LNX1: variants seen among roughly 807,000 people sequenced by gnomAD.
LNX1 encodes the protein E3 ubiquitin-protein ligase LNX.
Under a neutral mutation model 68.4 loss-of-function variants are expected in LNX1, and 54 were observed. The observed-to-expected ratio is 0.79, with a 90% CI of 0.63 to 0.99. The LOEUF (loss-of-function observed/expected upper bound fraction) is 0.99. Among genes scored for constraint, LNX1 ranks in the 50% least tolerant of loss-of-function variants. LNX1 has a pLI of 0.00. For missense variants in LNX1, 906 were observed against 926.4 expected, an observed-to-expected ratio of 0.98 and a Z score of 0.29; for synonymous variants, 336 against 350.0, an observed-to-expected ratio of 0.96 and a Z score of 0.45.
intron 1 of LNX1, among the ~76,000 whole-genome samples, chr4:53,623,407 T>A (rs2109862595): frequency 1.3e-5 from 2 of 152,070 alleles, no homozygotes; most frequent in South Asian, 4.2e-4. Flanking sequence ...AATTTTTTTG[T>A]ATTTTTTGGT....
At position 53,572,087 on chromosome 4, in the gene LNX1, C is replaced by T. The variant is rs1029839040; in HGVS notation, c.380+1536G>A. ...TGGTGAGGGTAGAGGAGCTCTTTCT[C>T]CTCCTCATGCCCCTCATCCCCTTGC... On this transcript the variant is annotated intron_variant, in intron 2 of 10. Transcript: ENST00000263925. Among the ~76,000 whole-genome samples the T allele has an allele frequency of 3.9e-5, 6 of 152,244 alleles. No homozygotes were observed. In the East Asian group the frequency reaches 7.7e-4, roughly 20 times the overall value.
In LNX1 at chr4:53,493,326, G is replaced by A. The variant is rs899243308; in HGVS notation, c.1350+2697C>T. On this transcript the variant is annotated intron_variant, in intron 6 of 10. Coordinates refer to ENST00000263925, the MANE Select transcript of LNX1 (RefSeq NM_001126328.3). Reference sequence around the variant, plus strand: ...CACCTGCTCTACTTGGCATGAGCTCGGGCCCTCTAGGGCAGATGAGCATCC... The same window carrying A: ...CACCTGCTCTACTTGGCATGAGCTCAGGCCCTCTAGGGCAGATGAGCATCC... Among the ~76,000 whole-genome samples, 144 of 152,120 alleles carry A rather than the reference G, an allele frequency of 9.5e-4. 1 individual carries two copies. The highest frequency in any genetic ancestry group is 3.3e-3 in the African/African-American group (136 of 41,412).
chr4:53,604,647 G>A (rs529766070), intron 2 of LNX1, among the ~76,000 whole-genome samples: 3 of 152,310 alleles, frequency 2.0e-5, no homozygotes, highest in Non-Finnish European at 2.9e-5. Flanking sequence ...GGCTCAATTC[G>A]TTTGTTTCTT....
chr4:53,464,590 A>G (rs1340854432), intron 9 of LNX1, among the ~76,000 whole-genome samples: 1 of 124,128 alleles, frequency 8.1e-6, no homozygotes, highest in Non-Finnish European at 1.8e-5. Context: ...GAGTCCCCAT[A>G]TTAAATGTCT....
intron 9 of LNX1, among the ~76,000 whole-genome samples, chr4:53,474,127 T>A (rs1428965146): frequency 6.6e-6 from 1 of 152,256 alleles, no homozygotes; most frequent in African/African-American, 2.4e-5. Context: ...GCTGTTTAGA[T>A]GTACCATAAC....
chr4:53,515,331 G>C (rs1435376368), intron 2 of LNX1, among the ~76,000 whole-genome samples: 2 of 152,216 alleles, frequency 1.3e-5, no homozygotes, highest in Non-Finnish European at 2.9e-5. Context: ...CTGAGCAACT[G>C]TCACCCTTTT....
rs1268259985 is a variant in LNX1 at position 53,599,107 on chromosome 4, G to T, written c.-214-7592C>A. Reference sequence around the variant, plus strand: ...AGTTTGCAGAGCTAACATTTGAGTGGCATGTGAACCAGGGCAATTCATCTT... The same window carrying T: ...AGTTTGCAGAGCTAACATTTGAGTGTCATGTGAACCAGGGCAATTCATCTT... On this transcript the variant is annotated intron_variant, in intron 2 of 3. Coordinates refer to the LNX1 transcript ENST00000504299. 2.0e-5 allele frequency among the ~76,000 whole-genome samples: 3 copies of T among 152,288 alleles called. No homozygotes were observed. The East Asian group carries it at 5.8e-4, about 29-fold the overall frequency.
At chr4:53,546,053 C>G (rs1729097074) in intron 2 of LNX1, among the ~76,000 whole-genome samples, 1 of 151,930 alleles carries the variant, frequency 6.6e-6, no homozygotes, top group Non-Finnish European at 1.5e-5. Context: ...GTGATCCACC[C>G]ACCTCAGCCT....
At chr4:53,527,071 A>AG (rs1553935023) in intron 2 of LNX1, among the ~76,000 whole-genome samples, 6 of 151,070 alleles carry the variant, frequency 4.0e-5, no homozygotes, top group Non-Finnish European at 4.4e-5. Flanking sequence ...AAAAAAAAAA[A>AG]ACTAGAAGAA....
intron 2 of LNX1, among the ~76,000 whole-genome samples, chr4:53,514,199 A>G (rs1331943699): frequency 2.0e-5 from 3 of 152,214 alleles, no homozygotes; most frequent in Non-Finnish European, 4.4e-5. Context: ...GCAGGGATTA[A>G]GGTTCTGCTT....
chr4:53,518,094 A>G lies in LNX1; in HGVS notation c.381-9867T>C, dbSNP rs1412037385. On this transcript the variant is annotated intron_variant, in intron 2 of 10. Coordinates refer to ENST00000263925, the MANE Select transcript of LNX1 (RefSeq NM_001126328.3). ...ACAGGAAAAATTCAAAACAAGCTGG[A>G]AAGTCATGTGAAAATGCAGGCCACC... is the stretch of plus-strand genomic sequence containing the variant. 5.3e-5 allele frequency among the ~76,000 whole-genome samples: 8 copies of G among 152,192 alleles called. 1 individual carries two copies. In the South Asian group the frequency reaches 1.7e-3, roughly 32 times the overall value.
chr4:53,498,730 G>C lies in LNX1; in HGVS notation c.889C>G (p.Pro297Ala), dbSNP rs772373954. The C allele has an allele frequency of 1.9e-6, 3 of 1,614,014 alleles. No homozygotes were observed. Among genetic ancestry groups the C allele is most frequent in the East Asian group, 4.5e-5 (2 of 44,878 alleles). ...TGTTGGATAATGATATGGACCAGTG[G>C]GGTTTCGCTACCTCCCACCAGCCTA... ...SIRLVGGSET[P>A]LVHIIIQHIY... The change falls in exon 5 of 11, where the codon CCA (proline) becomes GCA (alanine). Residue 297 changes from proline (P) to alanine (A), a missense_variant. Pro to Ala is a conservative substitution (Grantham distance 27). Coordinates refer to ENST00000263925, the MANE Select transcript of LNX1 (RefSeq NM_001126328.3).
upstream of LNX1, among the ~76,000 whole-genome samples, chr4:53,594,565 C>T (rs58686690): frequency 9.4e-3 from 1,432 of 152,264 alleles, 14 homozygotes; most frequent in African/African-American, 0.033. Flanking sequence ...ACCATTCTCA[C>T]TGTCATTGCT....
intron 8 of LNX1, among the ~76,000 whole-genome samples, chr4:53,477,710 A>T (rs1236615995): frequency 6.6e-6 from 1 of 152,104 alleles, no homozygotes; most frequent in Non-Finnish European, 1.5e-5. Context: ...TTTTATCTTC[A>T]TCCTGTTTTT....
chr4:53,646,554 T>G (rs73250977), intron 1 of LNX1, among the ~76,000 whole-genome samples: 7,479 of 152,352 alleles, frequency 0.049, 219 homozygotes, highest in Middle Eastern at 0.082. Flanking sequence ...CTACATTTTT[T>G]GCTGAGTGAA....
chr4:53,496,975 G>A (rs946836297), intron 5 of LNX1, among the ~76,000 whole-genome samples: 18 of 152,122 alleles, frequency 1.2e-4, no homozygotes, highest in African/African-American at 3.6e-4. Flanking sequence ...GTGTGTGTGC[G>A]GATGGGAATG....
upstream of LNX1, among the ~76,000 whole-genome samples, chr4:53,618,638 T>C (rs558556152): frequency 3.9e-4 from 59 of 152,286 alleles, no homozygotes; most frequent in African/African-American, 1.4e-3. Context: ...ACTCACCCTG[T>C]TGGGGAGGGC....
chr4:53,594,615 A>C (rs922982704), upstream of LNX1, among the ~76,000 whole-genome samples: 2 of 152,134 alleles, frequency 1.3e-5, no homozygotes, highest in African/African-American at 2.4e-5. Flanking sequence ...GAACTTTGGA[A>C]TCTTGAAGAT....
intron 1 of LNX1, among the ~76,000 whole-genome samples, chr4:53,587,555 TGAG>T (rs1560683048): frequency 1.3e-5 from 2 of 152,160 alleles, no homozygotes. Flanking sequence ...ACTGAGGCAA[TGAG>T]GAGGACACAC....
Sources: gnomAD v4.1 joint callset for allele counts (sites outside exome capture counted in the v4.1 genomes callset) on GRCh38, gnomAD v4.1.1 for gene constraint, MANE v1.5 for transcripts, NCBI Gene and HGNC (gene_info 2026-07-23, HGNC 2026-07-21) for gene names.